Variants in EIPR1 observed in about 807,000 individuals in gnomAD.
EIPR1 encodes the protein EARP and GARP complex-interacting protein 1.
Under a neutral mutation model 48.1 loss-of-function variants are expected in EIPR1, and 25 were observed. The observed-to-expected ratio is 0.52, with a 90% CI of 0.38 to 0.73. EIPR1 has a LOEUF of 0.73. EIPR1 is among the 30% of genes least tolerant of loss of function. The pLI is 0.00. For synonymous variants in EIPR1, 204 were observed against 201.9 expected, an observed-to-expected ratio of 1.01 and a Z score of -0.09; for missense variants, 415 against 506.2, an observed-to-expected ratio of 0.82 and a Z score of 1.73.
intron 3 of EIPR1, among the ~76,000 whole-genome samples, chr2:3,290,046 T>A (rs1397887223): frequency 6.6e-6 from 1 of 152,228 alleles, no homozygotes; most frequent in African/African-American, 2.4e-5. Context: ...GCCACTTGTT[T>A]CTCCTTTATC....
chr2:3,269,605 A>ACAATCATCACT (rs1667634548), intron 3 of EIPR1, among the ~76,000 whole-genome samples: 1 of 112,768 alleles, frequency 8.9e-6, no homozygotes, highest in Non-Finnish European at 1.9e-5. Context: ...ACTCAATCGC[A>ACAATCATCACT]CTCAATCATC....
At chr2:3,227,135 G>C (rs745503629) in intron 4 of EIPR1, among the ~76,000 whole-genome samples, 2 of 132,402 alleles carry the variant, frequency 1.5e-5, no homozygotes, top group Non-Finnish European at 3.2e-5. Context: ...AACAGGCAGA[G>C]GTTGGAACAG....
At chr2:3,344,248 G>A (rs992713037) in intron 2 of EIPR1, among the ~76,000 whole-genome samples, 1 of 152,184 alleles carries the variant, frequency 6.6e-6, no homozygotes, top group Admixed American at 6.5e-5. Flanking sequence ...CGTCATCCAT[G>A]ACTAAAACCC....
rs555826845 is a variant in EIPR1, at chr2:3,310,458, C to T, written c.259+27559G>A. On this transcript the variant is annotated intron_variant, in intron 3 of 8. Transcript: ENST00000382125. Reference sequence around the variant, plus strand: ...CACAAGGTCAGGAGACTGAGACCATCCTGGCTAAAACGGTGAAACCCCGTC... The same window carrying T: ...CACAAGGTCAGGAGACTGAGACCATTCTGGCTAAAACGGTGAAACCCCGTC... Among the ~76,000 whole-genome samples, 294 of 142,014 alleles carry T rather than the reference C, an allele frequency of 2.1e-3. 5 individuals carry two copies. The highest frequency in any genetic ancestry group is 2.7e-3 in the Non-Finnish European group (183 of 66,566). 93.2% of individuals were successfully genotyped at this position (142,014 alleles called of 152,430 possible).
intron 3 of EIPR1, among the ~76,000 whole-genome samples, chr2:3,334,543 G>A (rs1004249941): frequency 5.9e-5 from 9 of 152,236 alleles, no homozygotes; most frequent in East Asian, 1.9e-4. Flanking sequence ...CTTGCCCCAC[G>A]GGTGCGACCA....
rs200397230 is a variant in EIPR1 at position 3,193,990 on chromosome 2, C to T, written c.821+9G>A. ...CCCTCCTCCCTGAAGCAGCCAGGAG[C>T]GGCCCTACCAGTGGGAGTGCTCCTC... On this transcript the variant is annotated intron_variant, in intron 7 of 8. Coordinates refer to ENST00000382125, the MANE Select transcript of EIPR1 (RefSeq NM_003310.5). 8.9e-5 allele frequency: 144 copies of T among 1,612,838 alleles called. No individual in the cohort carries two copies. The highest frequency in any genetic ancestry group is 2.9e-4 in the East Asian group (13 of 44,870).
chr2:3,297,964 T>C (rs142384480), intron 3 of EIPR1, among the ~76,000 whole-genome samples: 1 of 152,338 alleles, frequency 6.6e-6, no homozygotes, highest in African/African-American at 2.4e-5. Context: ...AAACCCTTTG[T>C]TCATTTGCTC....
intron 1 of EIPR1, among the ~76,000 whole-genome samples, chr2:3,376,501 G>A (rs1397585361): frequency 1.3e-5 from 2 of 152,154 alleles, no homozygotes; most frequent in African/African-American, 4.8e-5. Flanking sequence ...AACCAGCCAG[G>A]CCAAGATGGT....
intron 3 of EIPR1, among the ~76,000 whole-genome samples, chr2:3,281,860 CAAA>C (rs752906125): frequency 6.6e-6 from 1 of 151,986 alleles, no homozygotes; most frequent in African/African-American, 2.4e-5. Flanking sequence ...AAAAAACAAA[CAAA>C]AAATAGTTTT....
At chr2:3,376,467 C>T (rs1413702819) in intron 1 of EIPR1, among the ~76,000 whole-genome samples, 1 of 152,060 alleles carries the variant, frequency 6.6e-6, no homozygotes, top group Non-Finnish European at 1.5e-5. Context: ...CTGAGGCAGG[C>T]AGATCACAAG....
At chr2:3,295,397 T>TGC (rs1668529796) in intron 3 of EIPR1, among the ~76,000 whole-genome samples, 2 of 88,098 alleles carry the variant, frequency 2.3e-5, no homozygotes, top group African/African-American at 4.6e-5. Flanking sequence ...CTATCCTCTC[T>TGC]ACACACACAC....
chr2:3,306,203 T>C (rs1247536114), intron 3 of EIPR1, among the ~76,000 whole-genome samples: 1 of 152,228 alleles, frequency 6.6e-6, no homozygotes, highest in Admixed American at 6.5e-5. Context: ...CCCCGCCCCT[T>C]CCCTTGGCTC....
At chr2:3,211,848 G>A (rs896846886) in intron 5 of EIPR1, among the ~76,000 whole-genome samples, 5 of 152,252 alleles carry the variant, frequency 3.3e-5, no homozygotes, top group African/African-American at 9.6e-5. Flanking sequence ...TGGGAAAGGC[G>A]AAGATGAATG....
At position 3,197,304 on chromosome 2, in the gene EIPR1, T is replaced by C. The variant is rs181996005; in HGVS notation, c.517-287A>G. Among the ~76,000 whole-genome samples, 260 of 152,268 alleles carry C rather than the reference T, an allele frequency of 1.7e-3. 2 individuals are homozygous for C. Among genetic ancestry groups the C allele is most frequent in the East Asian group, 2.7e-3 (14 of 5,176 alleles). ...TGATTAGAGATAATCAACTCGAACT[T>C]GAAGGAAAACAATACAAAACAACTC... On this transcript the variant is annotated intron_variant, in intron 5 of 8. Transcript: ENST00000382125.
At chr2:3,349,614 G>A (rs997228964) in intron 2 of EIPR1, among the ~76,000 whole-genome samples, 9 of 151,186 alleles carry the variant, frequency 6.0e-5, no homozygotes, top group African/African-American at 1.7e-4. Context: ...CAGGGAGGAC[G>A]CCGGGAGACA....
At chr2:3,277,174 C>CTCTCCACCCACGCGGCCCCACACCTG in intron 3 of EIPR1, among the ~76,000 whole-genome samples, 1 of 146,366 alleles carries the variant, frequency 6.8e-6, no homozygotes, top group South Asian at 2.2e-4. Flanking sequence ...ATCCAGGAGC[C>CTCTCCACCCACGCGGCCCCACACCTG]TCTCCACCCA....
At chr2:3,298,178 G>C (rs1668658168) in intron 3 of EIPR1, among the ~76,000 whole-genome samples, 1 of 152,190 alleles carries the variant, frequency 6.6e-6, no homozygotes, top group African/African-American at 2.4e-5. Context: ...AGAAAGGCTT[G>C]AGATTCGTGC....
At chr2:3,311,743 C>T (rs766127955) in intron 3 of EIPR1, among the ~76,000 whole-genome samples, 5 of 151,738 alleles carry the variant, frequency 3.3e-5, no homozygotes, top group Admixed American at 6.6e-5. Flanking sequence ...CAGCTCCAGT[C>T]CCAGGGTGCA....
intron 5 of EIPR1, among the ~76,000 whole-genome samples, chr2:3,197,708 T>C (rs1433410877): frequency 2.0e-5 from 3 of 152,352 alleles, no homozygotes; most frequent in African/African-American, 7.2e-5. Flanking sequence ...ATTTGGGGGT[T>C]GAATTTCAAT....
Sources: allele counts gnomAD v4.1 joint callset (sites outside exome capture counted in the v4.1 genomes callset), GRCh38; gene constraint gnomAD v4.1.1; transcripts MANE v1.5; gene names NCBI Gene and HGNC (gene_info 2026-07-23, HGNC 2026-07-21).